Variants in HSD17B2 observed in about 807,000 individuals in gnomAD.
HSD17B2 encodes the protein hydroxysteroid 17-beta dehydrogenase 2.
Under a neutral mutation model 26.9 loss-of-function variants are expected in HSD17B2, and 32 were observed. That is an observed-to-expected ratio of 1.19 (90% confidence interval 0.90 to 1.60). The LOEUF (loss-of-function observed/expected upper bound fraction) is 1.60. Among genes scored for constraint, HSD17B2 ranks in the 40% most tolerant of loss-of-function variants. The pLI is 0.00. For missense variants in HSD17B2, 613 were observed against 468.6 expected (o/e 1.31, Z -2.85); for synonymous variants, 246 against 186.7 (o/e 1.32, Z -2.59).
chr16:82,070,464 T>G (rs1371990178), intron 2 of HSD17B2, among the ~76,000 whole-genome samples: 1 of 152,332 alleles, frequency 6.6e-6, no homozygotes, highest in Non-Finnish European at 1.5e-5. Context: ...CTTCACAGCA[T>G]TCACATTCTA....
chr16:82,073,796 G>A (rs2873459), intron 3 of HSD17B2, among the ~76,000 whole-genome samples: 65,943 of 151,948 alleles, frequency 0.43, 17,427 homozygotes, highest in Non-Finnish European at 0.58. Context: ...TTATAGATTC[G>A]ATGCTATTCC....
chr16:82,038,123 C>T (rs1252425208), intron 1 of HSD17B2, among the ~76,000 whole-genome samples: 1 of 152,142 alleles, frequency 6.6e-6, no homozygotes, highest in African/African-American at 2.4e-5. Context: ...AGGTGAGAGG[C>T]AATTACAAAG....
intron 3 of HSD17B2, among the ~76,000 whole-genome samples, chr16:82,085,969 G>C (rs543148140): frequency 6.6e-6 from 1 of 151,498 alleles, no homozygotes; most frequent in East Asian, 1.9e-4. Flanking sequence ...AAAACACACA[G>C]AAAAAACACA....
At chr16:82,083,508 C>T (rs1278416094) in intron 3 of HSD17B2, among the ~76,000 whole-genome samples, 1 of 152,102 alleles carries the variant, frequency 6.6e-6, no homozygotes, top group African/African-American at 2.4e-5. Flanking sequence ...ATTGCTTCTT[C>T]TGGGGTCCAT....
chr16:82,081,079 C>G (rs1904366168), intron 3 of HSD17B2, among the ~76,000 whole-genome samples: 1 of 152,156 alleles, frequency 6.6e-6, no homozygotes. Context: ...CCTTCCTTCT[C>G]CCATAACCAG....
Position 82,098,146 on chromosome 16 carries a change from C to G in HSD17B2, c.874C>G (p.Gln292Glu), listed in dbSNP as rs1184979048. ...DILDHLPAEVQEDYGQDYILA... is the reference protein window; with the variant it reads ...DILDHLPAEVEEDYGQDYILA... The stretch of plus-strand genomic sequence containing the variant: ...TCTGGACCACCTCCCCGCTGAGGTA[C>G]AGGAAGACTACGGCCAGGACTACAT... The change falls in exon 5 of 5, where the codon CAG becomes GAG. Residue 292 changes from glutamine to glutamate, a missense_variant. Physicochemically the swap from Gln to Glu is conservative, Grantham distance 29. Transcript: ENST00000199936. 6.8e-6 allele frequency: 11 copies of G among 1,613,932 alleles called. No homozygotes were observed. Among genetic ancestry groups the G allele is most frequent in the East Asian group, 2.2e-5 (1 of 44,876 alleles).
rs529069116 is a variant in HSD17B2, at chr16:82,074,826, T to G, written c.664+3699T>G. Among the ~76,000 whole-genome samples, 3 of 152,294 alleles carry G rather than the reference T, an allele frequency of 2.0e-5. 1 individual carries two copies. The South Asian group carries it at 6.2e-4, about 32-fold the overall frequency. On this transcript the variant is annotated intron_variant, in intron 3 of 4. Coordinates refer to ENST00000199936, the MANE Select transcript of HSD17B2 (RefSeq NM_002153.3). Reference sequence around the variant, plus strand: ...AAAATCAATAAAGAAACATCAAACTTAATCTGCACTATAGACCAAATGGAC... The same window carrying G: ...AAAATCAATAAAGAAACATCAAACTGAATCTGCACTATAGACCAAATGGAC...
chr16:82,089,168 C>T (rs1391683440), intron 3 of HSD17B2, among the ~76,000 whole-genome samples: 1 of 152,134 alleles, frequency 6.6e-6, no homozygotes, highest in East Asian at 1.9e-4. Flanking sequence ...ATCTGTTTTA[C>T]TAGAGATTAA....
chr16:82,074,842 C>T (rs1473066928), intron 3 of HSD17B2, among the ~76,000 whole-genome samples: 1 of 152,126 alleles, frequency 6.6e-6, no homozygotes. Flanking sequence ...GCACTATAGA[C>T]CAAATGGACC....
At chr16:82,075,172 A>G (rs932175572) in intron 3 of HSD17B2, among the ~76,000 whole-genome samples, 4 of 152,150 alleles carry the variant, frequency 2.6e-5, no homozygotes, top group African/African-American at 7.2e-5. Context: ...CAAACATACC[A>G]AAACCCATGG....
At position 82,043,601 on chromosome 16, in the gene HSD17B2, G is replaced by T. The variant is rs372362815; in HGVS notation, c.265+7912G>T. Reference sequence around the variant, plus strand: ...CGGGAGGCTGAGGCAGGAGAATGGCGTGAACCCAGGAAGCGGAGCTTGCAG... The same window carrying T: ...CGGGAGGCTGAGGCAGGAGAATGGCTTGAACCCAGGAAGCGGAGCTTGCAG... On this transcript the variant is annotated intron_variant, in intron 1 of 4. Coordinates refer to ENST00000199936, the MANE Select transcript of HSD17B2 (RefSeq NM_002153.3). Among the ~76,000 whole-genome samples the T allele has an allele frequency of 1.9e-4, 24 of 127,524 alleles. No individual in the cohort carries two copies. In the East Asian group the frequency reaches 3.2e-3, roughly 17 times the overall value. 83.7% of individuals were successfully genotyped at this position (127,524 alleles called of 152,430 possible).
At chr16:82,071,733 T>A (rs8191172) in intron 3 of HSD17B2, 76 of 163,292 alleles carry the variant, frequency 4.7e-4, no homozygotes, top group Non-Finnish European at 7.8e-4. Flanking sequence ...TGCCCATGCG[T>A]GTCATAGCAT....
At chr16:82,089,617 G>T (rs978542089) in intron 3 of HSD17B2, among the ~76,000 whole-genome samples, 6 of 152,154 alleles carry the variant, frequency 3.9e-5, no homozygotes, top group Non-Finnish European at 7.4e-5. Flanking sequence ...AGTTCTGGAG[G>T]CCAGATGTCT....
At chr16:82,055,134 G>T (rs1288901779) in intron 1 of HSD17B2, among the ~76,000 whole-genome samples, 3 of 152,172 alleles carry the variant, frequency 2.0e-5, no homozygotes, top group Non-Finnish European at 4.4e-5. Flanking sequence ...TGACTTAAAG[G>T]CCACATGGAC....
chr16:82,037,665 T>C (rs1913657304), intron 1 of HSD17B2, among the ~76,000 whole-genome samples: 2 of 152,332 alleles, frequency 1.3e-5, no homozygotes, highest in Middle Eastern at 3.4e-3. Context: ...TAATATTAAA[T>C]ATCAAAAGCA....
At chr16:82,056,075 A>C (rs1914257557) in intron 1 of HSD17B2, among the ~76,000 whole-genome samples, 1 of 152,232 alleles carries the variant, frequency 6.6e-6, no homozygotes. Flanking sequence ...CAAGTTTGGC[A>C]AGTTGCATCT....
chr16:82,053,494 T>G (rs1028727798), intron 1 of HSD17B2, among the ~76,000 whole-genome samples: 1 of 152,162 alleles, frequency 6.6e-6, no homozygotes, highest in African/African-American at 2.4e-5. Flanking sequence ...AGATAAAAAA[T>G]GCCAACATAA....
At chr16:82,043,587 G>C (rs1481899201) in intron 1 of HSD17B2, among the ~76,000 whole-genome samples, 1 of 139,630 alleles carries the variant, frequency 7.2e-6, no homozygotes, top group Non-Finnish European at 1.5e-5. Flanking sequence ...GGGAGGCTGA[G>C]GCAGGAGAAT....
chr16:82,062,409 C>G (rs1288708395), intron 1 of HSD17B2, among the ~76,000 whole-genome samples: 1 of 152,258 alleles, frequency 6.6e-6, no homozygotes, highest in Non-Finnish European at 1.5e-5. Flanking sequence ...GACCCTCTCT[C>G]AGTTTGTAAG....
Sources: allele counts gnomAD v4.1 joint callset (sites outside exome capture counted in the v4.1 genomes callset), GRCh38; gene constraint gnomAD v4.1.1; transcripts MANE v1.5; gene names NCBI Gene and HGNC (gene_info 2026-07-23, HGNC 2026-07-21).